The following ARHGAP44 variants were observed in gnomAD, a reference collection of about 807,000 sequenced individuals.
ARHGAP44 encodes the protein Rho GTPase activating protein 44.
Under a neutral mutation model 106.8 loss-of-function variants are expected in ARHGAP44, and 43 were observed. The observed-to-expected ratio is 0.40, with a 90% confidence interval of 0.32 to 0.52. The LOEUF is 0.52. ARHGAP44 is among the 20% of genes least tolerant of loss of function. The pLI, the probability that ARHGAP44 is intolerant of heterozygous loss-of-function variation, is 0.48. For missense variants in ARHGAP44, 866 were observed against 1,050.5 expected, an observed-to-expected ratio of 0.82 and a Z score of 2.43; for synonymous variants, 439 against 410.3, an observed-to-expected ratio of 1.07 and a Z score of -0.85.
intron 1 of ARHGAP44, among the ~76,000 whole-genome samples, chr17:12,828,782 C>T (rs1226435474): frequency 6.6e-6 from 1 of 151,768 alleles, no homozygotes. Flanking sequence ...GCTGGGACTA[C>T]AGGCGTCCGC....
intron 1 of ARHGAP44, among the ~76,000 whole-genome samples, chr17:12,879,565 C>G (rs1827182736): frequency 6.6e-6 from 1 of 151,486 alleles, no homozygotes; most frequent in Admixed American, 6.6e-5. Flanking sequence ...GTTAGGATAC[C>G]CTACAACTCA....
At chr17:12,974,359 GGT>G in intron 18 of ARHGAP44, 49 bp downstream of exon 18, 1 of 1,340,500 alleles carries the variant, frequency 7.5e-7, no homozygotes, top group Non-Finnish European at 9.5e-7. Context: ...CGGTGCAGGG[GGT>G]GTCTGGGTTG....
At chr17:12,870,831 A>C (rs748457427) in intron 1 of ARHGAP44, among the ~76,000 whole-genome samples, 1 of 152,056 alleles carries the variant, frequency 6.6e-6, no homozygotes, top group Non-Finnish European at 1.5e-5. Context: ...CTTTTTACTT[A>C]TATTTAAAAC....
intron 1 of ARHGAP44, among the ~76,000 whole-genome samples, chr17:12,839,457 C>T (rs1042561365): frequency 4.6e-5 from 7 of 152,182 alleles, no homozygotes; most frequent in East Asian, 1.9e-4. Context: ...TTACTACAAA[C>T]GGCAGTTCAT....
intron 16 of ARHGAP44, among the ~76,000 whole-genome samples, chr17:12,969,142 A>C (rs1038987782): frequency 2.6e-5 from 4 of 152,128 alleles, no homozygotes; most frequent in African/African-American, 9.7e-5. Context: ...GAAGGGAAGA[A>C]ATCTGATGAG....
In ARHGAP44 at chr17:12,815,148, T is replaced by C. The variant is rs117290806; in HGVS notation, c.53+25257T>C. 4.7e-3 allele frequency among the ~76,000 whole-genome samples: 719 copies of C among 152,194 alleles called. 23 individuals are homozygous for C. The East Asian group carries it at 0.065, about 14-fold the overall frequency. On this transcript the variant is annotated intron_variant, in intron 1 of 20. Coordinates refer to ENST00000379672, the MANE Select transcript of ARHGAP44 (RefSeq NM_014859.6). ...CTTTTGATTTTTTTTTTTTAAAAGA[T>C]TCTTGTCCTGGCTTTCCTGATTCTC...
intron 1 of ARHGAP44, among the ~76,000 whole-genome samples, chr17:12,839,406 A>G (rs1442032896): frequency 6.6e-6 from 1 of 152,234 alleles, no homozygotes; most frequent in African/African-American, 2.4e-5. Context: ...CTTTATTAGT[A>G]GAAATGAACT....
chr17:12,946,319 G>T (rs982930646), intron 10 of ARHGAP44, among the ~76,000 whole-genome samples: 1 of 151,896 alleles, frequency 6.6e-6, no homozygotes, highest in South Asian at 2.1e-4. Flanking sequence ...TAATACTTAA[G>T]TATGTATCTC....
At chr17:12,972,603 G>A (rs999459987) in intron 16 of ARHGAP44, among the ~76,000 whole-genome samples, 30 of 151,660 alleles carry the variant, frequency 2.0e-4, no homozygotes, top group African/African-American at 6.5e-4. Context: ...AGTGGAGATC[G>A]CACCATTGCA....
At chr17:12,938,154 C>A (rs1437513422) in intron 7 of ARHGAP44, among the ~76,000 whole-genome samples, 4 of 151,908 alleles carry the variant, frequency 2.6e-5, no homozygotes, top group African/African-American at 9.7e-5. Flanking sequence ...ATATTGCTAA[C>A]AAGATTTGAC....
At chr17:12,867,509 G>A (rs78583279) in intron 1 of ARHGAP44, among the ~76,000 whole-genome samples, 1,665 of 152,228 alleles carry the variant, frequency 0.011, 35 homozygotes, top group African/African-American at 0.038. Flanking sequence ...TCACAATTGT[G>A]CACCAGGATA....
At chr17:12,807,961 G>A (rs1008245302) in intron 1 of ARHGAP44, among the ~76,000 whole-genome samples, 1 of 152,230 alleles carries the variant, frequency 6.6e-6, no homozygotes, top group Non-Finnish European at 1.5e-5. Context: ...TACAGGCATT[G>A]GGTAAATACA....
At chr17:12,963,083 G>C (rs1052584683) in intron 16 of ARHGAP44, among the ~76,000 whole-genome samples, 1 of 136,754 alleles carries the variant, frequency 7.3e-6, no homozygotes, top group Non-Finnish European at 1.6e-5. Context: ...AATTTCTGTT[G>C]TTCACCAACC....
chr17:12,978,771 C>T (rs1436473820), intron 18 of ARHGAP44, among the ~76,000 whole-genome samples: 1 of 151,712 alleles, frequency 6.6e-6, no homozygotes, highest in African/African-American at 2.4e-5. Flanking sequence ...TCACTGCAAC[C>T]TCCATCTCCC....
At chr17:12,841,851 G>T (rs138365818) in intron 1 of ARHGAP44, among the ~76,000 whole-genome samples, 187 of 152,154 alleles carry the variant, frequency 1.2e-3, no homozygotes, top group Non-Finnish European at 1.8e-3. Context: ...TAAAATAAAA[G>T]AATTTTTAAA....
At chr17:12,821,764 T>G (rs897151293) in intron 1 of ARHGAP44, among the ~76,000 whole-genome samples, 1 of 152,162 alleles carries the variant, frequency 6.6e-6, no homozygotes, top group Non-Finnish European at 1.5e-5. Flanking sequence ...ACAATGTGAA[T>G]CACGGTTTTT....
At chr17:12,956,046 C>A in intron 14 of ARHGAP44, 66 bp downstream of exon 14, 1 of 1,224,392 alleles carries the variant, frequency 8.2e-7, no homozygotes, top group Non-Finnish European at 1.2e-6. Context: ...GCAGGGTGGG[C>A]AGGACAGCTG....
intron 1 of ARHGAP44, among the ~76,000 whole-genome samples, chr17:12,794,912 G>A (rs2033873519): frequency 1.3e-5 from 2 of 152,170 alleles, no homozygotes; most frequent in African/African-American, 4.8e-5. Context: ...AGTCAGTGAG[G>A]ATCTTTTCCT....
chr17:12,956,828 A>C, intron 15 of ARHGAP44, 82 bp downstream of exon 15: 1 of 1,195,968 alleles, frequency 8.4e-7, no homozygotes, highest in Non-Finnish European at 1.2e-6. Flanking sequence ...GAAGCCAAGT[A>C]CCACTGCCCA....
Sources: gnomAD v4.1 joint callset for allele counts (sites outside exome capture counted in the v4.1 genomes callset) on GRCh38, gnomAD v4.1.1 for gene constraint, MANE v1.5 for transcripts, NCBI Gene and HGNC (gene_info 2026-07-23, HGNC 2026-07-21) for gene names.